Variants in CDH9 observed in about 807,000 individuals in gnomAD.
The protein encoded by CDH9 is cadherin-9.
A neutral mutation model predicts 70.9 loss-of-function variants in CDH9; 28 were observed. The observed-to-expected ratio is 0.40, with a 90% CI of 0.29 to 0.54. The LOEUF is 0.54. Among genes scored for constraint, CDH9 ranks in the 20% least tolerant of loss-of-function variants. The pLI, the probability that CDH9 is intolerant of heterozygous loss-of-function variation, is 0.59. For synonymous variants in CDH9, 409 were observed against 343.1 expected (o/e 1.19, Z -2.12); for missense variants, 874 against 984.4 (o/e 0.89, Z 1.50).
Position 27,001,842 on chromosome 5 carries a change from A to ACTCTCTCTCTCT in CDH9, c.-49-13461_-49-13460insAGAGAGAGAGAG, listed in dbSNP as rs1430161167. ...CAGTGCTTAACATACACACACACACACACTCTCTCTCTCTCTCTCTCTCTC... is the reference window on the plus strand; with the variant it reads ...CAGTGCTTAACATACACACACACACACTCTCTCTCTCTCACTCTCTCTCTCTCTCTCTCTCTC... On this transcript the variant is annotated intron_variant, in intron 1 of 11. Transcript: ENST00000231021. 4.4e-3 allele frequency among the ~76,000 whole-genome samples: 557 copies of ACTCTCTCTCTCT among 125,844 alleles called. 3 individuals carry two copies. The highest frequency in any genetic ancestry group is 0.016 in the African/African-American group (524 of 32,114). 82.6% of individuals were successfully genotyped at this position (125,844 alleles called of 152,430 possible). A position where few individuals can be genotyped will look rare whatever the true frequency, so the allele number is the denominator to read the frequency against.
chr5:26,927,309 G>A (rs10072127), intron 2 of CDH9, among the ~76,000 whole-genome samples: 14,440 of 151,960 alleles, frequency 0.095, 847 homozygotes, highest in East Asian at 0.17. Flanking sequence ...GGGAAAAAGT[G>A]AAATACTTTC....
At chr5:26,996,863 A>G (rs1742675323) in intron 1 of CDH9, among the ~76,000 whole-genome samples, 1 of 152,032 alleles carries the variant, frequency 6.6e-6, no homozygotes, top group African/African-American at 2.4e-5. Flanking sequence ...AATTTGGTAT[A>G]CTATCTTTAT....
At chr5:26,890,824 T>C (rs1740647304) in intron 7 of CDH9, 1 of 350,814 alleles carries the variant, frequency 2.9e-6, no homozygotes, top group Non-Finnish European at 5.2e-6. Context: ...GCTGTTAAAG[T>C]GAGTTCTTAA....
At chr5:27,002,761 G>A (rs1312484456) in intron 1 of CDH9, among the ~76,000 whole-genome samples, 1 of 151,894 alleles carries the variant, frequency 6.6e-6, no homozygotes, top group African/African-American at 2.4e-5. Context: ...CACATACCAG[G>A]GCCTGTCGTG....
At chr5:26,978,591 T>A (rs78897781) in intron 2 of CDH9, among the ~76,000 whole-genome samples, 5 of 151,386 alleles carry the variant, frequency 3.3e-5, no homozygotes, top group South Asian at 2.1e-4. Flanking sequence ...ACTTTTTTTT[T>A]AAATGCTCAT....
chr5:26,939,932 T>C (rs1292009385), intron 2 of CDH9, among the ~76,000 whole-genome samples: 1 of 152,018 alleles, frequency 6.6e-6, no homozygotes, highest in Non-Finnish European at 1.5e-5. Flanking sequence ...ACTGGATCAC[T>C]TGAGCCCAGG....
In CDH9 at chr5:26,881,478, T is replaced by C; in HGVS notation, c.2028A>G (p.Thr676=). The part of the protein sequence containing the change: ...EEDTQAFDIG[T]LRNPEAREDS... ...CTTCTCTTGCCTCTGGATTCCTTAA[T>C]GTGCCAATGTCAAAAGCTTGGGTAT... The change falls in exon 12 of 12, where the codon ACA becomes ACG. Residue 676 remains threonine, a synonymous_variant. Coordinates refer to ENST00000231021, the MANE Select transcript of CDH9 (RefSeq NM_016279.4). 5.6e-6 allele frequency: 9 copies of C among 1,613,866 alleles called. No individual in the cohort carries two copies. The highest frequency in any genetic ancestry group is 6.8e-6 in the Non-Finnish European group (8 of 1,179,836).
chr5:26,910,161 G>T (rs754758714), intron 3 of CDH9, among the ~76,000 whole-genome samples: 3 of 151,962 alleles, frequency 2.0e-5, no homozygotes, highest in Non-Finnish European at 4.4e-5. Flanking sequence ...TGAATCTAGT[G>T]TTTGAAATAT....
chr5:26,957,791 GCTTT>G (rs1317997191), intron 2 of CDH9, among the ~76,000 whole-genome samples: 2 of 152,100 alleles, frequency 1.3e-5, no homozygotes, highest in African/African-American at 4.8e-5. Context: ...AAAAATGTAT[GCTTT>G]CTTTACCACA....
intron 1 of CDH9, among the ~76,000 whole-genome samples, chr5:27,001,886 G>C (rs189334386): frequency 7.4e-6 from 1 of 135,566 alleles, no homozygotes; most frequent in East Asian, 2.0e-4. Context: ...TCAACAAAAC[G>C]CTGCTACATT....
intron 2 of CDH9, among the ~76,000 whole-genome samples, chr5:26,958,829 G>C (rs1048486764): frequency 6.6e-6 from 1 of 152,066 alleles, no homozygotes; most frequent in East Asian, 1.9e-4. Context: ...CAAAAATAAG[G>C]ATATAAATAA....
At chr5:26,980,278 A>G (rs1579491256) in intron 2 of CDH9, among the ~76,000 whole-genome samples, 1 of 151,956 alleles carries the variant, frequency 6.6e-6, no homozygotes, top group African/African-American at 2.4e-5. Context: ...CTAGTCACTC[A>G]CTTATTCATT....
rs144078842 is a variant in CDH9 at position 26,964,194 on chromosome 5, TAC to T, written c.228+23910_228+23911del. 7.5e-3 allele frequency among the ~76,000 whole-genome samples: 1,119 copies of T among 149,706 alleles called. 14 individuals carry two copies. Among genetic ancestry groups the T allele is most frequent in the African/African-American group, 0.024 (1,003 of 41,058 alleles). On this transcript the variant is annotated intron_variant, in intron 2 of 11. Transcript: ENST00000231021. ...GAAAGCAAGACTCTATGCTGATTAA[TAC>T]ACACACACACACACACATACACACA...
At chr5:26,935,180 G>T (rs2170037) in intron 2 of CDH9, among the ~76,000 whole-genome samples, 4 of 152,122 alleles carry the variant, frequency 2.6e-5, no homozygotes, top group Admixed American at 6.6e-5. Flanking sequence ...GTTTCCAAAA[G>T]ATATTCATGA....
At chr5:26,903,581 A>G (rs1189297712) in intron 6 of CDH9, 56 bp downstream of exon 6, 1 of 1,183,674 alleles carries the variant, frequency 8.4e-7, no homozygotes, top group Admixed American at 1.7e-5. Flanking sequence ...CTTTACTGAA[A>G]AGCAAACGTA....
At chr5:26,978,747 A>G (rs1444155036) in intron 2 of CDH9, among the ~76,000 whole-genome samples, 3 of 151,884 alleles carry the variant, frequency 2.0e-5, no homozygotes, top group African/African-American at 4.8e-5. Context: ...AAAAGCAGCC[A>G]GAAAAACAAA....
At chr5:26,926,922 C>CCT (rs1554037351) in intron 2 of CDH9, among the ~76,000 whole-genome samples, 1 of 118,364 alleles carries the variant, frequency 8.4e-6, no homozygotes, top group Non-Finnish European at 1.7e-5. Context: ...ATACAGCCCC[C>CCT]CCCCGCAAAA....
At position 26,968,384 on chromosome 5, in the gene CDH9, C is replaced by T. The variant is rs142381428; in HGVS notation, c.228+19722G>A. On this transcript the variant is annotated intron_variant, in intron 2 of 11. Transcript: ENST00000231021. ...CACTGCAACCTCCACATCTCAGGTT[C>T]AAGCGATTCTCCAGCCTCAGCCTCC... Among the ~76,000 whole-genome samples, 558 of 152,140 alleles carry T rather than the reference C, an allele frequency of 3.7e-3. 5 individuals carry two copies. Among genetic ancestry groups the T allele is most frequent in the African/African-American group, 0.013 (535 of 41,518 alleles).
chr5:27,000,232 A>G (rs1742741083), intron 1 of CDH9, among the ~76,000 whole-genome samples: 1 of 152,198 alleles, frequency 6.6e-6, no homozygotes, highest in African/African-American at 2.4e-5. Context: ...ATCTAACCAA[A>G]GAAGATATAC....
Sources: gnomAD v4.1 joint callset for allele counts (sites outside exome capture counted in the v4.1 genomes callset) on GRCh38, gnomAD v4.1.1 for gene constraint, MANE v1.5 for transcripts, NCBI Gene and HGNC (gene_info 2026-07-23, HGNC 2026-07-21) for gene names.